Variants in NR5A2 observed in about 807,000 individuals in gnomAD.
NR5A2 encodes the protein nuclear receptor subfamily 5 group A member 2.
Under a neutral mutation model 62.7 loss-of-function variants are expected in NR5A2, and 26 were observed. The ratio of observed to expected loss-of-function variants is 0.41; its 90% confidence interval spans 0.30 to 0.58. The LOEUF is 0.58. Among genes scored for constraint, NR5A2 ranks in the 20% least tolerant of loss-of-function variants. NR5A2 has a pLI of 0.22. For synonymous variants in NR5A2, 246 were observed against 241.7 expected, an observed-to-expected ratio of 1.02 and a Z score of -0.16; for missense variants, 541 against 669.1, an observed-to-expected ratio of 0.81 and a Z score of 2.11.
chr1:200,091,237 C>G (rs1398044027), intron 5 of NR5A2, among the ~76,000 whole-genome samples: 1 of 152,146 alleles, frequency 6.6e-6, no homozygotes, highest in Non-Finnish European at 1.5e-5. Flanking sequence ...GTGATGCACT[C>G]TAACAGTGAC....
chr1:200,048,608 C>T lies in NR5A2; in HGVS notation c.900C>T (p.Ser300=). Residue 300 remains serine, a synonymous_variant, in exon 5 of 8, where the codon AGC becomes AGT. Transcript: ENST00000367362. This position sits in a 1 kb window ranked among gnomAD's most constrained non-coding sequence, Gnocchi z 4.8. ...MDSYQTSSPA[S]IPHLILELLK... ...GTTACCAGACGAGCTCTCCAGCAAG[C>T]ATCCCACATCTGATACTGGAACTTT... 1 of 1,614,222 alleles carries T rather than the reference C, an allele frequency of 6.2e-7. No homozygotes were observed. Among genetic ancestry groups the T allele is most frequent in the East Asian group, 2.2e-5 (1 of 44,886 alleles).
chr1:200,034,533 C>T (rs1661677073), intron 1 of NR5A2, among the ~76,000 whole-genome samples: 2 of 142,706 alleles, frequency 1.4e-5, no homozygotes, highest in South Asian at 4.3e-4. Context: ...CCGTAGATTC[C>T]GATATCCAGG....
intron 5 of NR5A2, among the ~76,000 whole-genome samples, chr1:200,109,407 C>T (rs1558144397): frequency 6.6e-6 from 1 of 152,166 alleles, no homozygotes; most frequent in Non-Finnish European, 1.5e-5. Flanking sequence ...CTTTCCCATC[C>T]ATTATCTCAT....
At chr1:200,065,011 C>T (rs897395907) in intron 5 of NR5A2, among the ~76,000 whole-genome samples, 1 of 152,152 alleles carries the variant, frequency 6.6e-6, no homozygotes, top group African/African-American at 2.4e-5. Flanking sequence ...TCTCAAACTC[C>T]TAGGCTCAAG....
intron 1 of NR5A2, among the ~76,000 whole-genome samples, chr1:200,032,055 C>T (rs1038292159): frequency 1.1e-4 from 16 of 152,304 alleles, no homozygotes; most frequent in Non-Finnish European, 1.9e-4. Flanking sequence ...CAGACTTCCA[C>T]CTACAGGCCC....
intron 5 of NR5A2, among the ~76,000 whole-genome samples, chr1:200,074,460 G>A (rs192114681): frequency 5.4e-4 from 82 of 151,110 alleles, no homozygotes; most frequent in African/African-American, 1.8e-3. Context: ...AAAAAGGGCC[G>A]GGTGCGGTGG....
At chr1:200,144,420 CTA>C (rs1490544454) in intron 7 of NR5A2, among the ~76,000 whole-genome samples, 1 of 152,112 alleles carries the variant, frequency 6.6e-6, no homozygotes, top group Non-Finnish European at 1.5e-5. Context: ...GGAGCCTATT[CTA>C]TATCTTACTA....
chr1:200,168,037 CTGAATGAATAAA>C (rs1157512033), intron 7 of NR5A2, among the ~76,000 whole-genome samples: 1 of 151,784 alleles, frequency 6.6e-6, no homozygotes, highest in Non-Finnish European at 1.5e-5. Flanking sequence ...GCTGTTAAGA[CTGAATGAATAAA>C]TGAATGAATG....
At position 200,048,830 on chromosome 1, in the gene NR5A2, G is replaced by C. The variant is rs1163269223; in HGVS notation, c.1110+12G>C. 1 of 1,611,706 alleles carries C rather than the reference G, an allele frequency of 6.2e-7. No individual in the cohort carries two copies. The highest frequency in any genetic ancestry group is 1.7e-5 in the Admixed American group (1 of 59,982). ...TCAGAGAACTTAAGGTATGCCACCA[G>C]CTATTACAACTTACAGCACCCCTTT... On this transcript the variant is annotated intron_variant, in intron 5 of 7. Transcript: ENST00000367362. The surrounding 1 kb of genome is among the most constrained non-coding windows in gnomAD (Gnocchi z 4.8).
intron 5 of NR5A2, among the ~76,000 whole-genome samples, chr1:200,072,530 C>T (rs1663786063): frequency 6.6e-6 from 1 of 152,078 alleles, no homozygotes; most frequent in South Asian, 2.1e-4. Context: ...TACCCCTACC[C>T]ACCATTGAAA....
rs1445875602 is a variant in NR5A2, at chr1:200,176,322, C to G, written c.*2112C>G. 1 of 152,628 alleles carries G rather than the reference C, an allele frequency of 6.6e-6. No homozygotes were observed. Among genetic ancestry groups the G allele is most frequent in the Non-Finnish European group, 1.5e-5 (1 of 68,030 alleles). 9.5% of individuals were successfully genotyped at this position (152,628 alleles called of 1,614,324 possible). A position where few individuals can be genotyped will look rare whatever the true frequency, so the allele number is the denominator to read the frequency against. ...ATTTTATTATGTTTATTAATCACCT[C>G]TAATACTCATCCACATGAAGGGTAC... is the stretch of plus-strand genomic sequence containing the variant. On this transcript the variant is annotated 3_prime_UTR_variant, in exon 8 of 8. Coordinates refer to ENST00000367362, the MANE Select transcript of NR5A2 (RefSeq NM_205860.3).
In NR5A2 at chr1:200,167,976, G is replaced by T. The variant is rs150286739; in HGVS notation, c.1379-5987G>T. Among the ~76,000 whole-genome samples, 912 of 152,196 alleles carry T rather than the reference G, an allele frequency of 6.0e-3. 9 individuals carry two copies. The highest frequency in any genetic ancestry group is 0.021 in the African/African-American group (853 of 41,496). On this transcript the variant is annotated intron_variant, in intron 7 of 7. Coordinates refer to ENST00000367362, the MANE Select transcript of NR5A2 (RefSeq NM_205860.3). ...TCTGTATCACATTAATTGAGCTACT[G>T]TACACAGAGACTGTGCCTTTTATTT...
At chr1:200,153,174 G>A (rs200785060) in intron 7 of NR5A2, among the ~76,000 whole-genome samples, 2 of 152,182 alleles carry the variant, frequency 1.3e-5, no homozygotes, top group East Asian at 3.9e-4. Flanking sequence ...CTTTAGAGTA[G>A]TTGTCCTTAC....
At chr1:200,057,568 T>A (rs1434068584) in intron 5 of NR5A2, 2 of 353,726 alleles carry the variant, frequency 5.7e-6, no homozygotes, top group Admixed American at 6.2e-5. Context: ...AACCTCCACC[T>A]CCTGCATTCA....
At chr1:200,042,927 G>T (rs1294981751) in intron 2 of NR5A2, 3 of 985,342 alleles carry the variant, frequency 3.0e-6, no homozygotes, top group African/African-American at 1.7e-5. Flanking sequence ...GCGTCGTGGC[G>T]GCCTGATTTC....
intron 2 of NR5A2, chr1:200,043,114 A>T (rs1662196039): frequency 3.8e-6 from 2 of 528,872 alleles, no homozygotes; most frequent in Non-Finnish European, 4.8e-6. Flanking sequence ...CCTTCTTTTT[A>T]TTTTCACAGA....
intron 5 of NR5A2, among the ~76,000 whole-genome samples, chr1:200,090,299 C>T (rs966128705): frequency 6.6e-5 from 10 of 152,272 alleles, no homozygotes; most frequent in East Asian, 1.9e-4. Flanking sequence ...GGTCTCAGGA[C>T]GCTTTGCACT....
chr1:200,144,652 A>C (rs1667605482), intron 7 of NR5A2, among the ~76,000 whole-genome samples: 1 of 152,190 alleles, frequency 6.6e-6, no homozygotes, highest in Admixed American at 6.5e-5. Flanking sequence ...CCCAGTCTCA[A>C]ACACTTAACA....
In NR5A2 at chr1:200,074,736, C is replaced by CAAAAAAAAAAAAAAAAAAAA. The variant is rs199556915; in HGVS notation, c.1110+25919_1110+25938dup. On this transcript the variant is annotated intron_variant, in intron 5 of 7. Transcript: ENST00000367362. ...TGGGCGACAGGGCGAGAGTCCATCT[C>CAAAAAAAAAAAAAAAAAAAA]AAAAAAAAAAAAAAAAAAAACACGA... 2.9e-3 allele frequency among the ~76,000 whole-genome samples: 198 copies of CAAAAAAAAAAAAAAAAAAAA among 67,494 alleles called. 5 individuals are homozygous for CAAAAAAAAAAAAAAAAAAAA. Among genetic ancestry groups the CAAAAAAAAAAAAAAAAAAAA allele is most frequent in the Non-Finnish European group, 3.2e-3 (121 of 37,310 alleles). 44.3% of individuals were successfully genotyped at this position (67,494 alleles called of 152,430 possible).
Sources: allele counts gnomAD v4.1 joint callset (sites outside exome capture counted in the v4.1 genomes callset), GRCh38; gene constraint gnomAD v4.1.1; non-coding constraint Gnocchi (gnomAD v3.1); transcripts MANE v1.5; gene names NCBI Gene and HGNC (gene_info 2026-07-23, HGNC 2026-07-21).